ARK2N: variants seen among roughly 807,000 people sequenced by gnomAD.
The protein encoded by ARK2N is protein ARK2N.
chr18:46,199,966 C>T, the ARK2N span, among the ~76,000 whole-genome samples: 1,877 of 152,236 alleles, frequency 0.012, 47 homozygotes, highest in African/African-American at 0.043. Context: ...TTGCTCTCTC[C>T]TACTTGTTCT....
At chr18:46,259,772 C>CT in the ARK2N span, among the ~76,000 whole-genome samples, 2 of 104,800 alleles carry the variant, frequency 1.9e-5, no homozygotes, top group African/African-American at 7.0e-5. Flanking sequence ...CACCCAGCTA[C>CT]TGTGTGTGTG....
chr18:46,191,121 A>T, the ARK2N span, among the ~76,000 whole-genome samples: 1 of 152,110 alleles, frequency 6.6e-6, no homozygotes, highest in Non-Finnish European at 1.5e-5. Context: ...TCCTCTCATG[A>T]GGGCAGAGTT....
chr18:46,253,856 A>C, the ARK2N span: 1 of 1,549,140 alleles, frequency 6.5e-7, no homozygotes, highest in Non-Finnish European at 8.7e-7. Context: ...CTGATATTTT[A>C]AGTTATAAAT....
chr18:46,183,373 A>G, the ARK2N span, among the ~76,000 whole-genome samples: 1 of 152,112 alleles, frequency 6.6e-6, no homozygotes, highest in African/African-American at 2.4e-5. Flanking sequence ...GCTTGATCAG[A>G]TTGTTTCTAT....
the ARK2N span, among the ~76,000 whole-genome samples, chr18:46,237,266 A>G: frequency 6.6e-6 from 1 of 152,162 alleles, no homozygotes; most frequent in Non-Finnish European, 1.5e-5. Flanking sequence ...TAACTGCAGA[A>G]TCTTACCTGT....
the ARK2N span, among the ~76,000 whole-genome samples, chr18:46,208,788 GTCC>G: frequency 6.6e-6 from 1 of 152,086 alleles, no homozygotes; most frequent in African/African-American, 2.4e-5. Context: ...TCTTTTATGT[GTCC>G]TTATGTATGT....
At chr18:46,252,948 T>C in the ARK2N span, among the ~76,000 whole-genome samples, 1 of 152,226 alleles carries the variant, frequency 6.6e-6, no homozygotes, top group Non-Finnish European at 1.5e-5. Flanking sequence ...GGAAGACTCT[T>C]GTAAAGAAGT....
chr18:46,198,204 G>A, the ARK2N span, among the ~76,000 whole-genome samples: 5 of 150,888 alleles, frequency 3.3e-5, no homozygotes, highest in Non-Finnish European at 7.4e-5. Context: ...GGGAAGCTGA[G>A]GCACGAGAAT....
At chr18:46,233,748 T>C in the ARK2N span, among the ~76,000 whole-genome samples, 2 of 152,210 alleles carry the variant, frequency 1.3e-5, no homozygotes, top group Non-Finnish European at 2.9e-5. Context: ...ATGTAATCCT[T>C]AAAATCTTAT....
the ARK2N span, among the ~76,000 whole-genome samples, chr18:46,221,728 G>C: frequency 6.6e-6 from 1 of 151,946 alleles, no homozygotes; most frequent in African/African-American, 2.4e-5. Context: ...AACCTTTTGG[G>C]GGTTTAATTG....
chr18:46,204,696 C>A, the ARK2N span, among the ~76,000 whole-genome samples: 1 of 152,118 alleles, frequency 6.6e-6, no homozygotes, highest in Non-Finnish European at 1.5e-5. Context: ...AGTTAGAATA[C>A]CCTATTTTAC....
At chr18:46,241,527 G>T in the ARK2N span, among the ~76,000 whole-genome samples, 1 of 152,050 alleles carries the variant, frequency 6.6e-6, no homozygotes, top group Non-Finnish European at 1.5e-5. Context: ...TTCAAGACCA[G>T]CCTGATCAGC....
the ARK2N span, among the ~76,000 whole-genome samples, chr18:46,176,774 C>T: frequency 4.6e-5 from 7 of 152,126 alleles, no homozygotes; most frequent in African/African-American, 1.7e-4. Context: ...TGTGCCACCA[C>T]GCCTGGCTAA....
At chr18:46,263,214 C>G in the ARK2N span, 2 of 1,280,180 alleles carry the variant, frequency 1.6e-6, no homozygotes, top group Non-Finnish European at 2.1e-6. Context: ...GCTTCAGAAG[C>G]TGTTTGTGGC....
chr18:46,176,939 T>G, the ARK2N span, among the ~76,000 whole-genome samples: 1 of 152,140 alleles, frequency 6.6e-6, no homozygotes, highest in Non-Finnish European at 1.5e-5. Context: ...TTTGTAGAGA[T>G]GGAGTCTCCC....
At chr18:46,225,797 C>A in the ARK2N span, among the ~76,000 whole-genome samples, 6 of 151,980 alleles carry the variant, frequency 3.9e-5, no homozygotes, top group Non-Finnish European at 5.9e-5. Context: ...TAAACAGTTT[C>A]TTTTTTAAAA....
chr18:46,209,290 CTTTTT>C, the ARK2N span, among the ~76,000 whole-genome samples: 1 of 138,644 alleles, frequency 7.2e-6, no homozygotes. Context: ...TACTTCTCCA[CTTTTT>C]TTTTTTTTTT....
At chr18:46,189,813 A>G in the ARK2N span, among the ~76,000 whole-genome samples, 3 of 152,188 alleles carry the variant, frequency 2.0e-5, no homozygotes, top group Non-Finnish European at 4.4e-5. Context: ...GCAGTGAGTG[A>G]TGATCATGCC....
At chr18:46,235,551 G>A in the ARK2N span, among the ~76,000 whole-genome samples, 2 of 152,244 alleles carry the variant, frequency 1.3e-5, no homozygotes, top group East Asian at 3.8e-4. Flanking sequence ...TGAAGACACT[G>A]AGGAGTGAAA....
Sources: allele counts gnomAD v4.1 joint callset (sites outside exome capture counted in the v4.1 genomes callset), GRCh38; gene constraint gnomAD v4.1.1; transcripts MANE v1.5; gene names NCBI Gene and HGNC (gene_info 2026-07-23, HGNC 2026-07-21).